The following PHLPP2 variants were observed in gnomAD, a reference collection of about 807,000 sequenced individuals.
The protein encoded by PHLPP2 is PH domain and leucine rich repeat protein phosphatase 2.
PHLPP2 carries 66 observed loss-of-function variants against 124.9 expected under a neutral mutation model. The ratio of observed to expected loss-of-function variants is 0.53; its 90% CI spans 0.43 to 0.65. The LOEUF is 0.65. Ranked by LOEUF, PHLPP2 falls within the 30% of genes least tolerant of loss-of-function variation. PHLPP2 has a pLI of 0.00. For synonymous variants in PHLPP2, 681 were observed against 624.7 expected (o/e 1.09, Z -1.34); for missense variants, 1,685 against 1,600.4 (o/e 1.05, Z -0.90).
At chr16:71,688,321 T>G (rs1000048241) in intron 4 of PHLPP2, among the ~76,000 whole-genome samples, 11 of 152,210 alleles carry the variant, frequency 7.2e-5, no homozygotes, top group Admixed American at 3.9e-4. Flanking sequence ...GACACAAAAT[T>G]ACTCTTCATC....
chr16:71,662,251 G>T (rs2044798782), intron 13 of PHLPP2, among the ~76,000 whole-genome samples: 1 of 150,338 alleles, frequency 6.7e-6, no homozygotes. Context: ...CCAATATGGT[G>T]AAACCCTGTC....
intron 2 of PHLPP2, among the ~76,000 whole-genome samples, chr16:71,707,890 G>T (rs753710763): frequency 2.0e-5 from 3 of 152,222 alleles, no homozygotes; most frequent in Non-Finnish European, 4.4e-5. Flanking sequence ...CCTTTAACTT[G>T]TGAATTCTGC....
intron 6 of PHLPP2, 76 bp from the exon 7 acceptor site, chr16:71,679,611 C>G (rs2044978503): frequency 8.5e-7 from 1 of 1,179,098 alleles, no homozygotes; most frequent in Non-Finnish European, 1.2e-6. Flanking sequence ...ACATCAACGG[C>G]CTTTGATATC....
chr16:71,675,651 C>T (rs976443231), intron 9 of PHLPP2, among the ~76,000 whole-genome samples: 3 of 152,220 alleles, frequency 2.0e-5, no homozygotes, highest in Non-Finnish European at 4.4e-5. Flanking sequence ...GGCTGCATTC[C>T]AGTACAACTT....
chr16:71,705,971 A>T (rs569448829), intron 2 of PHLPP2, among the ~76,000 whole-genome samples: 41 of 152,364 alleles, frequency 2.7e-4, no homozygotes, highest in African/African-American at 9.4e-4. Flanking sequence ...GAAATGCTAT[A>T]ATGTGCTTAC....
chr16:71,672,850 T>C (rs1340399142), intron 9 of PHLPP2, among the ~76,000 whole-genome samples: 4 of 152,240 alleles, frequency 2.6e-5, no homozygotes, highest in Non-Finnish European at 5.9e-5. Flanking sequence ...CCTGTCTACA[T>C]AAATATATGC....
intron 3 of PHLPP2, among the ~76,000 whole-genome samples, chr16:71,691,578 A>G (rs2045113956): frequency 6.6e-6 from 1 of 152,142 alleles, no homozygotes; most frequent in Non-Finnish European, 1.5e-5. Context: ...GACAACCACT[A>G]TTGTTACTAA....
intron 9 of PHLPP2, among the ~76,000 whole-genome samples, chr16:71,675,932 G>A (rs2044941417): frequency 6.6e-6 from 1 of 151,954 alleles, no homozygotes; most frequent in South Asian, 2.1e-4. Flanking sequence ...TGTTGCCCAG[G>A]CTAATCTCGA....
intron 1 of PHLPP2, chr16:71,723,658 A>T: frequency 2.2e-6 from 1 of 460,944 alleles, no homozygotes; most frequent in Non-Finnish European, 3.4e-6. Context: ...CGACTGCCTC[A>T]GCCACTGCGC....
At chr16:71,700,984 G>A (rs1462761624) in intron 3 of PHLPP2, among the ~76,000 whole-genome samples, 1 of 152,136 alleles carries the variant, frequency 6.6e-6, no homozygotes, top group Non-Finnish European at 1.5e-5. Flanking sequence ...AGACGCCTAG[G>A]AAGCCCTATG....
chr16:71,668,502 C>T lies in PHLPP2; in HGVS notation c.1628+773G>A, dbSNP rs567794673. ...CAAGGCCAGGTGTGGTGGCTCACGC[C>T]TGTAATCTCAACACTTTGGGAGGCT... On this transcript the variant is annotated intron_variant, in intron 11 of 18. Coordinates refer to ENST00000568954, the MANE Select transcript of PHLPP2 (RefSeq NM_015020.3). 3.3e-5 allele frequency among the ~76,000 whole-genome samples: 5 copies of T among 151,174 alleles called. No homozygotes were observed. In the South Asian group the frequency reaches 1.0e-3, roughly 32 times the overall value.
chr16:71,664,221 A>G lies in PHLPP2; in HGVS notation c.1785-122T>C, dbSNP rs548641760. ...TCTAAGCTTCCAAATGGGAAAAAAA[A>G]AAAAATCTCCACGTAGTTTTTCTCT... On this transcript the variant is annotated intron_variant, in intron 12 of 18. Coordinates refer to ENST00000568954, the MANE Select transcript of PHLPP2 (RefSeq NM_015020.3). The G allele has an allele frequency of 1.0e-5, 7 of 694,452 alleles. No individual in the cohort carries two copies. The East Asian group carries it at 1.9e-4, about 19-fold the overall frequency. 43.0% of individuals were successfully genotyped at this position (694,452 alleles called of 1,614,324 possible).
chr16:71,676,677 C>A (rs765500851), intron 8 of PHLPP2, 28 bp from the exon 9 acceptor site: 3 of 1,484,398 alleles, frequency 2.0e-6, no homozygotes, highest in South Asian at 2.3e-5. Flanking sequence ...AGAAAATAAT[C>A]ATAAATAAGA....
chr16:71,668,660 G>T (rs1186570756), intron 11 of PHLPP2, among the ~76,000 whole-genome samples: 1 of 151,734 alleles, frequency 6.6e-6, no homozygotes, highest in Non-Finnish European at 1.5e-5. Flanking sequence ...TACTGAGGGG[G>T]AGCTGAGGAC....
At chr16:71,711,559 G>A (rs2045324397) in intron 2 of PHLPP2, among the ~76,000 whole-genome samples, 1 of 152,178 alleles carries the variant, frequency 6.6e-6, no homozygotes, top group African/African-American at 2.4e-5. Flanking sequence ...ATTGCACTTA[G>A]ATGAGATGCT....
At chr16:71,657,829 G>A (rs1596989732) in intron 15 of PHLPP2, among the ~76,000 whole-genome samples, 1 of 152,334 alleles carries the variant, frequency 6.6e-6, no homozygotes, top group South Asian at 2.1e-4. Flanking sequence ...GATCAAAGGG[G>A]TAGGAGTTTC....
intron 2 of PHLPP2, among the ~76,000 whole-genome samples, chr16:71,708,969 A>G (rs2045305188): frequency 6.6e-6 from 1 of 151,830 alleles, no homozygotes; most frequent in African/African-American, 2.4e-5. Context: ...TCCAATCTCT[A>G]TTTTTTTAAA....
intron 13 of PHLPP2, among the ~76,000 whole-genome samples, chr16:71,661,128 G>A (rs922559685): frequency 1.4e-5 from 2 of 148,094 alleles, no homozygotes; most frequent in African/African-American, 2.5e-5. Flanking sequence ...GTGCAATGGC[G>A]CAATCTCAGT....
chr16:71,695,370 C>T lies in PHLPP2; in HGVS notation c.419-4661G>A, dbSNP rs930023192. Reference sequence around the variant, plus strand: ...GTCCATCACTAAGGAGATGGTTACACAGACTATAATGCATACATGATGTCC... The same window carrying T: ...GTCCATCACTAAGGAGATGGTTACATAGACTATAATGCATACATGATGTCC... On this transcript the variant is annotated intron_variant, in intron 3 of 18. Coordinates refer to ENST00000568954, the MANE Select transcript of PHLPP2 (RefSeq NM_015020.3). Among the ~76,000 whole-genome samples the T allele has an allele frequency of 1.3e-5, 2 of 152,134 alleles. 1 individual carries two copies. Among genetic ancestry groups the T allele is most frequent in the Middle Eastern group, 6.3e-3 (2 of 316 alleles).
Sources: gnomAD v4.1 joint callset for allele counts (sites outside exome capture counted in the v4.1 genomes callset) on GRCh38, gnomAD v4.1.1 for gene constraint, MANE v1.5 for transcripts, NCBI Gene and HGNC (gene_info 2026-07-23, HGNC 2026-07-21) for gene names.